The following CNTN5 variants were observed in gnomAD, a reference collection of about 807,000 sequenced individuals.
The protein encoded by CNTN5 is contactin-5.
A neutral mutation model predicts 129.1 loss-of-function variants in CNTN5; 77 were observed. That is an observed-to-expected ratio of 0.60 (90% CI 0.50 to 0.72). CNTN5 has a LOEUF of 0.72. CNTN5 is among the 30% of genes least tolerant of loss of function. The pLI is 0.00. For missense variants in CNTN5, 1,478 were observed against 1,328.8 expected, an observed-to-expected ratio of 1.11 and a Z score of -1.75; for synonymous variants, 509 against 465.6, an observed-to-expected ratio of 1.09 and a Z score of -1.20.
intron 3 of CNTN5, among the ~76,000 whole-genome samples, chr11:99,581,063 T>G (rs1949567653): frequency 6.7e-6 from 1 of 149,266 alleles, no homozygotes; most frequent in Non-Finnish European, 1.5e-5. Flanking sequence ...AAGAACATCT[T>G]TATTTCTGCC....
At chr11:99,701,936 A>G (rs1281716829) in intron 3 of CNTN5, among the ~76,000 whole-genome samples, 1 of 151,026 alleles carries the variant, frequency 6.6e-6, no homozygotes, top group Non-Finnish European at 1.5e-5. Context: ...TTCTACTGTG[A>G]AAAAGCATTC....
At chr11:99,579,995 G>A (rs1470214699) in intron 3 of CNTN5, among the ~76,000 whole-genome samples, 1 of 147,400 alleles carries the variant, frequency 6.8e-6, no homozygotes, top group African/African-American at 2.5e-5. Flanking sequence ...ACTATTTTGA[G>A]ATACGTCCCA....
rs544997418 is a variant in CNTN5 at position 99,704,045 on chromosome 11, G to GTA, written c.56-115487_56-115486dup. Among the ~76,000 whole-genome samples the GTA allele has an allele frequency of 9.8e-3, 1,445 of 147,390 alleles. 21 individuals carry two copies. Among genetic ancestry groups the GTA allele is most frequent in the African/African-American group, 0.03 (1,237 of 40,652 alleles). ...GAAGGCAATAAATAATTATATGTGT[G>GTA]TATATATATATATGTGTGTGTGTGT... On this transcript the variant is annotated intron_variant, in intron 3 of 24. Transcript: ENST00000524871.
intron 16 of CNTN5, among the ~76,000 whole-genome samples, chr11:100,226,274 G>A (rs767248008): frequency 2.6e-5 from 4 of 152,108 alleles, no homozygotes; most frequent in Admixed American, 6.6e-5. Flanking sequence ...TTTAGATTAT[G>A]TATATTTATT....
chr11:100,039,832 G>T (rs897605661), intron 9 of CNTN5, among the ~76,000 whole-genome samples: 1 of 152,086 alleles, frequency 6.6e-6, no homozygotes, highest in African/African-American at 2.4e-5. Context: ...GGTCCTTTAA[G>T]GACTTCTCTG....
At chr11:99,555,600 G>T (rs1948637475) in intron 2 of CNTN5, among the ~76,000 whole-genome samples, 1 of 151,904 alleles carries the variant, frequency 6.6e-6, no homozygotes, top group Non-Finnish European at 1.5e-5. Flanking sequence ...CACCAAAGGA[G>T]AGAACTATAA....
intron 13 of CNTN5, among the ~76,000 whole-genome samples, chr11:100,166,390 G>T (rs1235157246): frequency 6.6e-6 from 1 of 151,676 alleles, no homozygotes; most frequent in Non-Finnish European, 1.5e-5. Flanking sequence ...AAATATTAAA[G>T]AAATGTATTC....
At chr11:99,302,682 T>C (rs1255880930) in intron 1 of CNTN5, among the ~76,000 whole-genome samples, 1 of 151,774 alleles carries the variant, frequency 6.6e-6, no homozygotes, top group Non-Finnish European at 1.5e-5. Context: ...TTGTGGTAAC[T>C]TTGCAAGCCT....
At chr11:99,658,969 T>C (rs953720917) in intron 3 of CNTN5, among the ~76,000 whole-genome samples, 3 of 151,136 alleles carry the variant, frequency 2.0e-5, no homozygotes, top group African/African-American at 4.9e-5. Flanking sequence ...AGGATCAATC[T>C]CCTACACAAC....
At chr11:99,135,802 A>G (rs1250900361) in intron 1 of CNTN5, among the ~76,000 whole-genome samples, 1 of 152,176 alleles carries the variant, frequency 6.6e-6, no homozygotes, top group African/African-American at 2.4e-5. Flanking sequence ...AATTTAAATT[A>G]GTACCAAGAT....
At chr11:99,338,426 T>TA (rs1482106777) in intron 2 of CNTN5, among the ~76,000 whole-genome samples, 3 of 152,108 alleles carry the variant, frequency 2.0e-5, no homozygotes, top group Admixed American at 6.6e-5. Flanking sequence ...AGGGTTCCAT[T>TA]AGGGGGTTGG....
intron 20 of CNTN5, 97 bp downstream of exon 20, chr11:100,299,493 G>T: frequency 1.4e-6 from 1 of 703,184 alleles, no homozygotes; most frequent in Non-Finnish European, 2.1e-6. Context: ...TACAAATAAG[G>T]CAAAATAAAC....
chr11:99,999,628 A>G (rs1939719806), intron 8 of CNTN5, among the ~76,000 whole-genome samples: 1 of 152,166 alleles, frequency 6.6e-6, no homozygotes, highest in Non-Finnish European at 1.5e-5. Flanking sequence ...AACTAGAAAT[A>G]CCATTTGACC....
chr11:99,531,274 A>G (rs2135467949), intron 2 of CNTN5, among the ~76,000 whole-genome samples: 1 of 152,266 alleles, frequency 6.6e-6, no homozygotes, highest in South Asian at 2.1e-4. Context: ...GGAACTTTGA[A>G]CTTGAGAGAG....
At position 100,194,301 on chromosome 11, in the gene CNTN5, T is replaced by C. The variant is rs554303208; in HGVS notation, c.1884+638T>C. The stretch of plus-strand genomic sequence containing the variant: ...AGTGAAAAGAGGCCCCTTCCCCACA[T>C]GGACTTATTTAAAATGTAATAGAGT... On this transcript the variant is annotated intron_variant, in intron 15 of 24. Coordinates refer to ENST00000524871, the MANE Select transcript of CNTN5 (RefSeq NM_014361.4). 2.0e-5 allele frequency among the ~76,000 whole-genome samples: 3 copies of C among 151,992 alleles called. No individual in the cohort carries two copies. In the East Asian group the frequency reaches 5.8e-4, roughly 30 times the overall value.
intron 2 of CNTN5, among the ~76,000 whole-genome samples, chr11:99,429,218 C>T (rs1197534688): frequency 6.8e-6 from 1 of 146,048 alleles, no homozygotes; most frequent in Non-Finnish European, 1.5e-5. Context: ...AGTTTTTTTT[C>T]TGATATAGTA....
chr11:100,284,356 T>C (rs548574171), intron 18 of CNTN5, among the ~76,000 whole-genome samples: 3 of 152,324 alleles, frequency 2.0e-5, no homozygotes, highest in African/African-American at 7.2e-5. Context: ...ATTTAAGCTA[T>C]ATTTTCTTAC....
At chr11:99,804,171 T>C (rs181754968) in intron 3 of CNTN5, among the ~76,000 whole-genome samples, 38 of 152,178 alleles carry the variant, frequency 2.5e-4, no homozygotes, top group Admixed American at 1.8e-3. Flanking sequence ...AAATAATTTA[T>C]AAAATTAAAT....
chr11:99,116,099 G>A (rs1408568178), intron 1 of CNTN5, among the ~76,000 whole-genome samples: 1 of 152,042 alleles, frequency 6.6e-6, no homozygotes, highest in Non-Finnish European at 1.5e-5. Flanking sequence ...CCTAGAATGA[G>A]GTTGCATTCA....
Sources: allele counts gnomAD v4.1 joint callset (sites outside exome capture counted in the v4.1 genomes callset), GRCh38; gene constraint gnomAD v4.1.1; transcripts MANE v1.5; gene names NCBI Gene and HGNC (gene_info 2026-07-23, HGNC 2026-07-21).